HIVEP3: variants seen among roughly 807,000 people sequenced by gnomAD.
The protein encoded by HIVEP3 is transcription factor HIVEP3.
A neutral mutation model predicts 152.8 loss-of-function variants in HIVEP3; 49 were observed. The ratio of observed to expected loss-of-function variants is 0.32; its 90% CI spans 0.26 to 0.41. The LOEUF (loss-of-function observed/expected upper bound fraction) is 0.41, where lower values mean the gene tolerates loss of function less well. HIVEP3 is among the 10% of genes least tolerant of loss of function. The pLI, the probability that HIVEP3 is intolerant of heterozygous loss-of-function variation, is 1.00. For synonymous variants in HIVEP3, 1,269 were observed against 1,289.0 expected, an observed-to-expected ratio of 0.98 and a Z score of 0.33; for missense variants, 2,790 against 3,103.3, an observed-to-expected ratio of 0.90 and a Z score of 2.40.
At chr1:41,974,555 T>C (rs1645249497) in intron 1 of HIVEP3, among the ~76,000 whole-genome samples, 1 of 151,254 alleles carries the variant, frequency 6.6e-6, no homozygotes, top group South Asian at 2.1e-4. Flanking sequence ...CCTTAATAAT[T>C]CTTCAAAGCT....
intron 1 of HIVEP3, among the ~76,000 whole-genome samples, chr1:41,790,196 T>C (rs1286655050): frequency 6.6e-6 from 1 of 152,154 alleles, no homozygotes; most frequent in East Asian, 1.9e-4. Flanking sequence ...GTTTGGATCA[T>C]GGGGTGGATC....
intron 1 of HIVEP3, among the ~76,000 whole-genome samples, chr1:41,882,744 G>A (rs940134826): frequency 6.6e-6 from 1 of 152,146 alleles, no homozygotes. Context: ...TGTTATTACA[G>A]TGTGTGTTCA....
chr1:41,810,067 G>T (rs146805890), intron 1 of HIVEP3, among the ~76,000 whole-genome samples: 3 of 152,084 alleles, frequency 2.0e-5, no homozygotes, highest in Non-Finnish European at 4.4e-5. Flanking sequence ...ACTTAATCAG[G>T]CTCCAGTGTT....
chr1:41,815,753 GTTT>G (rs35558509), intron 1 of HIVEP3, among the ~76,000 whole-genome samples: 4 of 145,032 alleles, frequency 2.8e-5, no homozygotes, highest in Admixed American at 2.7e-4. Context: ...CTTTTTTATT[GTTT>G]TTTTTTTTTT....
At chr1:41,965,194 C>T (rs1645190948) in intron 1 of HIVEP3, among the ~76,000 whole-genome samples, 1 of 152,118 alleles carries the variant, frequency 6.6e-6, no homozygotes. Flanking sequence ...TACTAAAAAA[C>T]AAAGAGAAAG....
rs766543034 is a variant in HIVEP3, at chr1:41,583,509, G to C, written c.1289C>G (p.Ala430Gly). Residue 430 changes from alanine (A) to glycine (G), a missense_variant, in exon 4 of 9, where the codon GCC becomes GGC. Around this residue, in one of 9 missense-constraint regions of HIVEP3, gnomAD observed 134 missense variants for 242.5 expected, o/e 0.55. Coordinates refer to ENST00000372583, the MANE Select transcript of HIVEP3 (RefSeq NM_024503.5). The surrounding 1 kb of genome is among the most constrained non-coding windows in gnomAD (Gnocchi z 6.9). ...GKCGRIGQRT[A>G]MLTATSTQPL... The stretch of plus-strand genomic sequence containing the variant: ...CTGGGTGGAGGTGGCTGTCAGCATG[G>C]CGGTCCGCTGTCCTATTCGCCCACA... 8 of 1,613,874 alleles carry C rather than the reference G, an allele frequency of 5.0e-6. No individual in the cohort carries two copies. Among genetic ancestry groups the C allele is most frequent in the Non-Finnish European group, 6.8e-6 (8 of 1,179,952 alleles).
intron 1 of HIVEP3, among the ~76,000 whole-genome samples, chr1:41,909,502 G>A (rs1297895658): frequency 6.6e-6 from 1 of 151,966 alleles, no homozygotes; most frequent in African/African-American, 2.4e-5. Context: ...CAGACCATAA[G>A]AAGAAACAGA....
chr1:41,825,421 C>CCACCA (rs1249682401), intron 1 of HIVEP3, among the ~76,000 whole-genome samples: 10 of 152,156 alleles, frequency 6.6e-5, no homozygotes, highest in African/African-American at 1.7e-4. Context: ...CAGGTGCTCG[C>CCACCA]CACCACGCCC....
At chr1:41,521,102 G>A (rs912969886) in intron 6 of HIVEP3, among the ~76,000 whole-genome samples, 3 of 152,186 alleles carry the variant, frequency 2.0e-5, no homozygotes, top group Non-Finnish European at 2.9e-5. Flanking sequence ...GTGGGCTCTT[G>A]GGCAAGTTCC....
intron 1 of HIVEP3, among the ~76,000 whole-genome samples, chr1:41,899,799 C>T (rs557860612): frequency 6.6e-6 from 1 of 152,170 alleles, no homozygotes; most frequent in Admixed American, 6.5e-5. Flanking sequence ...TTATTACCCC[C>T]CAGCTTATAA....
At chr1:41,976,553 T>C (rs911945994) in intron 1 of HIVEP3, among the ~76,000 whole-genome samples, 1 of 152,258 alleles carries the variant, frequency 6.6e-6, no homozygotes, top group Non-Finnish European at 1.5e-5. Context: ...TTTGCTATCT[T>C]AAAAGTAAGC....
intron 5 of HIVEP3, among the ~76,000 whole-genome samples, chr1:41,544,792 CT>C (rs1643648454): frequency 6.9e-6 from 1 of 144,278 alleles, no homozygotes; most frequent in African/African-American, 2.7e-5. Flanking sequence ...ACCTCCACTG[CT>C]ACCATCACCA....
intron 5 of HIVEP3, among the ~76,000 whole-genome samples, chr1:41,528,824 TCA>T (rs1295359291): frequency 6.3e-5 from 4 of 63,172 alleles, no homozygotes; most frequent in African/African-American, 1.9e-4. Flanking sequence ...CACCTTGCCT[TCA>T]CACTTTCACA....
chr1:41,645,864 C>G (rs1208530447), intron 2 of HIVEP3, among the ~76,000 whole-genome samples: 1 of 152,190 alleles, frequency 6.6e-6, no homozygotes, highest in African/African-American at 2.4e-5. Context: ...TGTCCCTGAG[C>G]AAGGCATTTC....
intron 2 of HIVEP3, among the ~76,000 whole-genome samples, chr1:41,646,511 A>G (rs1413900638): frequency 6.6e-6 from 1 of 152,210 alleles, no homozygotes; most frequent in Non-Finnish European, 1.5e-5. Context: ...CATTCCTGGC[A>G]GAAGAGATGA....
Position 41,700,918 on chromosome 1 carries a change from G to A in HIVEP3, c.-723C>T. On this transcript the variant is annotated splice_region_variant and 5_prime_UTR_variant, in exon 2 of 9. Coordinates refer to ENST00000372583, the MANE Select transcript of HIVEP3 (RefSeq NM_024503.5). ...TGTGGGGGATGGGGAGGGCTCACCT[G>A]CCAAAAACCAGCCGTGGTCTCATGG... The A allele has an allele frequency of 3.0e-6, 3 of 984,718 alleles. No individual in the cohort carries two copies. The highest frequency in any genetic ancestry group is 2.4e-6 in the Non-Finnish European group (2 of 829,282). 61.0% of individuals were successfully genotyped at this position (984,718 alleles called of 1,614,324 possible). A position where few individuals can be genotyped will look rare whatever the true frequency, so the allele number is the denominator to read the frequency against.
intron 3 of HIVEP3, among the ~76,000 whole-genome samples, chr1:41,617,240 A>G (rs1369158840): frequency 8.3e-6 from 1 of 121,210 alleles, no homozygotes; most frequent in Admixed American, 7.7e-5. Context: ...ATATCTTTAC[A>G]GACTGATGCA....
chr1:41,629,245 TG>T (rs1645160171), intron 2 of HIVEP3, among the ~76,000 whole-genome samples: 1 of 152,192 alleles, frequency 6.6e-6, no homozygotes, highest in Non-Finnish European at 1.5e-5. Flanking sequence ...GATGGATGGT[TG>T]GGTTATGTTA....
In HIVEP3 at chr1:41,727,566, A is replaced by G. The variant is rs1646774677; in HGVS notation, c.-800-26571T>C. On this transcript the variant is annotated intron_variant, in intron 1 of 8. Coordinates refer to ENST00000372583, the MANE Select transcript of HIVEP3 (RefSeq NM_024503.5). ...ACTAAAACAAGTGACAAAGAAAACGAGAGTGTCCAGAGGAAGTGGCTGAGG... is the reference window on the plus strand; with the variant it reads ...ACTAAAACAAGTGACAAAGAAAACGGGAGTGTCCAGAGGAAGTGGCTGAGG... 1.3e-5 allele frequency among the ~76,000 whole-genome samples: 2 copies of G among 152,260 alleles called. 1 individual carries two copies. The highest frequency in any genetic ancestry group is 4.1e-4 in the South Asian group (2 of 4,838).
Sources: allele counts gnomAD v4.1 joint callset (sites outside exome capture counted in the v4.1 genomes callset), GRCh38; gene constraint gnomAD v4.1.1; regional missense constraint gnomAD v4.1.1; non-coding constraint Gnocchi (gnomAD v3.1); transcripts MANE v1.5; gene names NCBI Gene and HGNC (gene_info 2026-07-23, HGNC 2026-07-21).